DOK5: variants seen among roughly 807,000 people sequenced by gnomAD.
DOK5 encodes the protein downstream of tyrosine kinase 5.
A neutral mutation model predicts 43.3 loss-of-function variants in DOK5; 27 were observed. That is an observed-to-expected ratio of 0.62 (90% CI 0.46 to 0.86). DOK5 has a LOEUF of 0.86. Among genes scored for constraint, DOK5 ranks in the 40% least tolerant of loss-of-function variants. The probability of loss-of-function intolerance (pLI) is 0.00; values close to 1 mark genes in which losing one functional copy is unlikely to be tolerated. For synonymous variants in DOK5, 146 were observed against 140.1 expected (o/e 1.04, Z -0.30); for missense variants, 373 against 392.9 (o/e 0.95, Z 0.43).
At chr20:54,581,576 T>C (rs2146759031) in intron 2 of DOK5, among the ~76,000 whole-genome samples, 1 of 152,116 alleles carries the variant, frequency 6.6e-6, no homozygotes, top group South Asian at 2.1e-4. Flanking sequence ...CAGTGTTTTC[T>C]AGTTTTCAGT....
intron 1 of DOK5, among the ~76,000 whole-genome samples, chr20:54,504,655 T>C (rs1357150838): frequency 6.6e-6 from 1 of 152,230 alleles, no homozygotes; most frequent in East Asian, 1.9e-4. Flanking sequence ...TGGCCTTATC[T>C]GCATTTCTGC....
rs977474591 is a variant in DOK5, at chr20:54,563,737, G to A, written c.174+8697G>A. ...TCTTGTCTTACAGCAATGTGGGCTC[G>A]CTCTTGTCACACGTTCCATTGTTTC... On this transcript the variant is annotated intron_variant, in intron 2 of 7. Transcript: ENST00000262593. Among the ~76,000 whole-genome samples the A allele has an allele frequency of 4.1e-5, 6 of 144,894 alleles. No individual in the cohort carries two copies. In the East Asian group the frequency reaches 6.0e-4, roughly 14 times the overall value.
At chr20:54,591,498 T>C in intron 4 of DOK5, 118 bp from the exon 5 acceptor site, 1 of 730,388 alleles carries the variant, frequency 1.4e-6, no homozygotes, top group Non-Finnish European at 2.2e-6. Context: ...TCTTTCTGAA[T>C]ATGCAACCGA....
rs1305993389 is a variant in DOK5, at chr20:54,650,625, C to A, written c.*146C>A. On this transcript the variant is annotated 3_prime_UTR_variant, in exon 8 of 8. Coordinates refer to ENST00000262593, the MANE Select transcript of DOK5 (RefSeq NM_018431.5). ...ATTGTGTGGTCATTGGAAAACTCTG[C>A]AATACAATAATTTTCTTTATTTTCT... 5 of 621,688 alleles carry A rather than the reference C, an allele frequency of 8.0e-6. No individual in the cohort carries two copies. The highest frequency in any genetic ancestry group is 3.8e-5 in the African/African-American group (2 of 53,296). The allele number at this position is 621,688 out of a possible 1,614,324, so 38.5% of individuals were successfully genotyped here.
At chr20:54,477,819 G>T (rs972687531) in intron 1 of DOK5, among the ~76,000 whole-genome samples, 8 of 152,276 alleles carry the variant, frequency 5.3e-5, no homozygotes, top group East Asian at 1.9e-4. Context: ...ATGCCAAATT[G>T]TGACACATGG....
chr20:54,626,105 A>G (rs907346702), intron 6 of DOK5, among the ~76,000 whole-genome samples: 3 of 152,178 alleles, frequency 2.0e-5, no homozygotes, highest in African/African-American at 7.2e-5. Context: ...ATCCTGGGGG[A>G]CAGAGAAAGT....
At chr20:54,558,155 A>G (rs1984777445) in intron 2 of DOK5, among the ~76,000 whole-genome samples, 1 of 152,206 alleles carries the variant, frequency 6.6e-6, no homozygotes, top group Non-Finnish European at 1.5e-5. Context: ...TTTGGAGAAA[A>G]TAGGGTGGGC....
At position 54,641,870 on chromosome 20, in the gene DOK5, G is replaced by A. The variant is rs143071657; in HGVS notation, c.736-1588G>A. On this transcript the variant is annotated intron_variant, in intron 6 of 7. Transcript: ENST00000262593. ...TGAATGGGAGGATACTTAAATAGCC[G>A]TCAGCTCTCGCCAATGTGAAATTAC... Among the ~76,000 whole-genome samples the A allele has an allele frequency of 3.6e-3, 552 of 152,212 alleles. 2 individuals carry two copies. The highest frequency in any genetic ancestry group is 7.3e-3 in the South Asian group (35 of 4,812).
intron 6 of DOK5, among the ~76,000 whole-genome samples, chr20:54,638,020 G>T (rs1250291292): frequency 6.6e-6 from 1 of 151,714 alleles, no homozygotes; most frequent in Non-Finnish European, 1.5e-5. Context: ...GACTTGGGAG[G>T]CTGAGGCAGG....
At chr20:54,596,645 A>G (rs1376320556) in intron 5 of DOK5, among the ~76,000 whole-genome samples, 1 of 152,122 alleles carries the variant, frequency 6.6e-6, no homozygotes, top group Non-Finnish European at 1.5e-5. Context: ...TTGGGAACAC[A>G]TATATTACTT....
At chr20:54,640,625 C>T (rs1979068618) in intron 6 of DOK5, among the ~76,000 whole-genome samples, 1 of 152,228 alleles carries the variant, frequency 6.6e-6, no homozygotes, top group South Asian at 2.1e-4. Flanking sequence ...TTCTCCTCTT[C>T]AAAACGCGGC....
chr20:54,642,549 CAAAAAA>C (rs66463305), intron 6 of DOK5, among the ~76,000 whole-genome samples: 6 of 96,362 alleles, frequency 6.2e-5, no homozygotes, highest in East Asian at 5.8e-4. Flanking sequence ...ACTAAAAATA[CAAAAAA>C]AAAAAAAAAA....
intron 1 of DOK5, among the ~76,000 whole-genome samples, chr20:54,543,143 G>A (rs1984221284): frequency 6.6e-6 from 1 of 152,138 alleles, no homozygotes; most frequent in Non-Finnish European, 1.5e-5. Flanking sequence ...GTAAAATTAT[G>A]ACTCTTATAC....
intron 5 of DOK5, among the ~76,000 whole-genome samples, chr20:54,595,060 G>A (rs1328428565): frequency 6.6e-6 from 1 of 152,124 alleles, no homozygotes; most frequent in Admixed American, 6.5e-5. Flanking sequence ...GTTTATAAAG[G>A]GCTGGGCGTG....
chr20:54,501,720 T>C (rs1004484004), intron 1 of DOK5, among the ~76,000 whole-genome samples: 2 of 152,102 alleles, frequency 1.3e-5, no homozygotes, highest in African/African-American at 4.8e-5. Context: ...CTGTAAATTC[T>C]TTAACTCATT....
intron 2 of DOK5, among the ~76,000 whole-genome samples, chr20:54,561,923 C>T (rs1400552790): frequency 1.3e-5 from 2 of 152,178 alleles, no homozygotes; most frequent in Non-Finnish European, 2.9e-5. Context: ...TTCCAAAGTG[C>T]TGGGATTACA....
At chr20:54,615,004 T>C (rs1986760845) in intron 6 of DOK5, among the ~76,000 whole-genome samples, 1 of 152,218 alleles carries the variant, frequency 6.6e-6, no homozygotes, top group South Asian at 2.1e-4. Flanking sequence ...GCTGACTTGC[T>C]TCTATGAGAT....
intron 6 of DOK5, among the ~76,000 whole-genome samples, chr20:54,634,039 G>A (rs1170744577): frequency 1.3e-5 from 2 of 152,336 alleles, no homozygotes; most frequent in East Asian, 3.9e-4. Context: ...CATGAAAGAA[G>A]TGCACCAGCA....
intron 1 of DOK5, among the ~76,000 whole-genome samples, chr20:54,529,581 C>T (rs957695068): frequency 6.6e-6 from 1 of 151,944 alleles, no homozygotes; most frequent in African/African-American, 2.4e-5. Flanking sequence ...AATTCATATA[C>T]CATAAGATTC....
Sources: gnomAD v4.1 joint callset for allele counts (sites outside exome capture counted in the v4.1 genomes callset) on GRCh38, gnomAD v4.1.1 for gene constraint, MANE v1.5 for transcripts, NCBI Gene and HGNC (gene_info 2026-07-23, HGNC 2026-07-21) for gene names.